UPK3A: variants seen among roughly 807,000 people sequenced by gnomAD.
UPK3A encodes uroplakin 3A, also known as uroplakin-3a.
In UPK3A, 32 loss-of-function variants were observed where a neutral mutation model predicts 27.6. The ratio of observed to expected loss-of-function variants is 1.16; its 90% CI spans 0.87 to 1.55. The LOEUF (loss-of-function observed/expected upper bound fraction) is 1.55. Among genes scored for constraint, UPK3A ranks in the 40% most tolerant of loss-of-function variants. The pLI is 0.00. For missense variants in UPK3A, 370 were observed against 367.9 expected (o/e 1.01, Z -0.05); for synonymous variants, 171 against 163.9 (o/e 1.04, Z -0.33).
Position 45,285,941 on chromosome 22 carries a change from C to G in UPK3A, c.53C>G (p.Ala18Gly). ...LALGCLRFGSAVNLQPQLASV... is the reference protein window; with the variant it reads ...LALGCLRFGSGVNLQPQLASV... ...TTCCCATCCTCACTGCCTCCTCCAG[C>G]TGTGAACCTGCAGCCCCAACTGGCC... Residue 18 changes from alanine (A) to glycine (G), a missense_variant and splice_region_variant, in exon 2 of 6, where the codon GCT (alanine) becomes GGT (glycine). By Grantham distance (60) the Ala-to-Gly change is moderately conservative (BLOSUM62 0). Coordinates refer to ENST00000216211, the MANE Select transcript of UPK3A (RefSeq NM_006953.4). 6.2e-7 allele frequency: 1 copy of G among 1,613,982 alleles called. No individual in the cohort carries two copies. The highest frequency in any genetic ancestry group is 8.5e-7 in the Non-Finnish European group (1 of 1,179,998).
chr22:45,285,444 C>T (rs1007947385), intron 1 of UPK3A, among the ~76,000 whole-genome samples: 1 of 152,122 alleles, frequency 6.6e-6, no homozygotes, highest in African/African-American at 2.4e-5. Context: ...GTCCATGGGA[C>T]CAGCTGGAGC....
At chr22:45,287,478 G>A (rs1382484241) in intron 3 of UPK3A, 27 bp downstream of exon 3, 1 of 1,567,742 alleles carries the variant, frequency 6.4e-7, no homozygotes, top group East Asian at 2.4e-5. Flanking sequence ...CACTACAGGA[G>A]AGCCGCGGCA....
chr22:45,287,543 T>C, intron 3 of UPK3A, 92 bp downstream of exon 3: 1 of 1,488,456 alleles, frequency 6.7e-7, no homozygotes, highest in Non-Finnish European at 9.1e-7. Context: ...GCCACACTTC[T>C]TGAGAACTTA....
At chr22:45,289,599 A>G (rs1244606344) in intron 4 of UPK3A, among the ~76,000 whole-genome samples, 10 of 150,938 alleles carry the variant, frequency 6.6e-5, no homozygotes, top group African/African-American at 2.2e-4. Context: ...AAAAAGAAAA[A>G]AAAAATTAGC....
At chr22:45,287,139 C>T (rs1378023935) in intron 2 of UPK3A, 33 bp from the exon 3 acceptor site, 1 of 1,612,956 alleles carries the variant, frequency 6.2e-7, no homozygotes, top group African/African-American at 1.3e-5. Flanking sequence ...GCCGGAGTGG[C>T]CAGAAGCCTG....
chr22:45,293,033 C>A, intron 4 of UPK3A, 148 bp from the exon 5 acceptor site: 1 of 1,177,390 alleles, frequency 8.5e-7, no homozygotes, highest in Non-Finnish European at 1.2e-6. Flanking sequence ...GTAATTGTGC[C>A]TAAAACCTGA....
At chr22:45,285,377 G>A (rs2084110419) in intron 1 of UPK3A, among the ~76,000 whole-genome samples, 1 of 152,190 alleles carries the variant, frequency 6.6e-6, no homozygotes, top group Non-Finnish European at 1.5e-5. Context: ...GGCCGAGGAA[G>A]CAGCATGGGC....
chr22:45,287,613 C>T (rs920364190), intron 3 of UPK3A, among the ~76,000 whole-genome samples, 162 bp downstream of exon 3: 2 of 152,182 alleles, frequency 1.3e-5, no homozygotes, highest in African/African-American at 4.8e-5. Flanking sequence ...TCAGAAGAGG[C>T]CCCTCTTGGA....
chr22:45,292,339 T>G (rs2084167788), intron 4 of UPK3A, among the ~76,000 whole-genome samples: 1 of 152,098 alleles, frequency 6.6e-6, no homozygotes, highest in Non-Finnish European at 1.5e-5. Context: ...TGTCCTTGGC[T>G]GGGGACTCAG....
chr22:45,291,611 G>A (rs1023170649), intron 4 of UPK3A, among the ~76,000 whole-genome samples: 16 of 136,164 alleles, frequency 1.2e-4, no homozygotes, highest in African/African-American at 5.4e-4. Flanking sequence ...GAGTGTGACT[G>A]TGTGTGTGTG....
In UPK3A at chr22:45,295,828, C is replaced by A; in HGVS notation, c.*109C>A. 1.5e-6 allele frequency: 2 copies of A among 1,319,568 alleles called. No individual in the cohort carries two copies. The highest frequency in any genetic ancestry group is 1.1e-6 in the Non-Finnish European group (1 of 937,770). 81.7% of individuals were successfully genotyped at this position (1,319,568 alleles called of 1,614,324 possible). On this transcript the variant is annotated 3_prime_UTR_variant, in exon 6 of 6. Coordinates refer to ENST00000216211, the MANE Select transcript of UPK3A (RefSeq NM_006953.4). Reference sequence around the variant, plus strand: ...CAGGGAAGGTGAAACAGGGCTTGTCCCTCCAACTGCAGGAAAACCCTTAAT... The same window carrying A: ...CAGGGAAGGTGAAACAGGGCTTGTCACTCCAACTGCAGGAAAACCCTTAAT...
chr22:45,294,983 A>G (rs2084185650), intron 5 of UPK3A, among the ~76,000 whole-genome samples: 1 of 149,512 alleles, frequency 6.7e-6, no homozygotes, highest in Non-Finnish European at 1.5e-5. Flanking sequence ...CTCCTGCCTC[A>G]GCCTCCTGAG....
At chr22:45,295,411 G>T (rs2084188177) in intron 5 of UPK3A, 149 bp from the exon 6 acceptor site, 1 of 903,938 alleles carries the variant, frequency 1.1e-6, no homozygotes, top group Admixed American at 1.7e-5. Context: ...CACAGGGTCA[G>T]TGCTCCAGAA....
chr22:45,286,523 C>CA (rs1416479454), intron 2 of UPK3A, among the ~76,000 whole-genome samples: 1 of 152,182 alleles, frequency 6.6e-6, no homozygotes, highest in Non-Finnish European at 1.5e-5. Context: ...GTTTCTGAGA[C>CA]AAAACCATGC....
chr22:45,289,171 T>C, intron 4 of UPK3A, 28 bp downstream of exon 4: 1 of 1,611,644 alleles, frequency 6.2e-7, no homozygotes. Flanking sequence ...GTGGTGGTGA[T>C]GCTCAAGGGG....
intron 2 of UPK3A, among the ~76,000 whole-genome samples, chr22:45,286,814 G>A (rs1376074452): frequency 1.3e-5 from 2 of 152,178 alleles, no homozygotes; most frequent in African/African-American, 2.4e-5. Context: ...AAGGAGGAGA[G>A]CTGGGTCCTG....
chr22:45,285,265 G>A (rs563119749), intron 1 of UPK3A, among the ~76,000 whole-genome samples, 200 bp downstream of exon 1: 21 of 152,374 alleles, frequency 1.4e-4, no homozygotes, highest in African/African-American at 4.8e-4. Context: ...TGCGATGTGT[G>A]TTGCAAGAGA....
At chr22:45,290,845 T>C (rs2084155666) in intron 4 of UPK3A, among the ~76,000 whole-genome samples, 1 of 152,158 alleles carries the variant, frequency 6.6e-6, no homozygotes, top group African/African-American at 2.4e-5. Flanking sequence ...GCGAACCCTG[T>C]TGTGAACTGC....
At chr22:45,287,890 C>T (rs1331964288) in intron 3 of UPK3A, among the ~76,000 whole-genome samples, 1 of 152,218 alleles carries the variant, frequency 6.6e-6, no homozygotes, top group African/African-American at 2.4e-5. Flanking sequence ...TCTCGAACTC[C>T]TGACCTCCAG....
Sources: gnomAD v4.1 joint callset for allele counts (sites outside exome capture counted in the v4.1 genomes callset) on GRCh38, gnomAD v4.1.1 for gene constraint, MANE v1.5 for transcripts, NCBI Gene and HGNC (gene_info 2026-07-23, HGNC 2026-07-21) for gene names.